AGK: variants seen among roughly 807,000 people sequenced by gnomAD.
AGK encodes acylglycerol kinase, mitochondrial.
Under a neutral mutation model 66.4 loss-of-function variants are expected in AGK, and 52 were observed. The observed-to-expected ratio is 0.78, with a 90% CI of 0.63 to 0.99. The LOEUF (loss-of-function observed/expected upper bound fraction) is 0.99, where lower values mean the gene tolerates loss of function less well. Among genes scored for constraint, AGK ranks in the 50% least tolerant of loss-of-function variants. The pLI, the probability that AGK is intolerant of heterozygous loss-of-function variation, is 0.00. For missense variants in AGK, 451 were observed against 506.6 expected (o/e 0.89, Z 1.05); for synonymous variants, 182 against 181.1 (o/e 1.00, Z -0.04).
At chr7:141,643,135 T>C (rs1797326154) in intron 13 of AGK, among the ~76,000 whole-genome samples, 1 of 152,200 alleles carries the variant, frequency 6.6e-6, no homozygotes, top group South Asian at 2.1e-4. Context: ...GTTCAGAGTA[T>C]TGAGATGTTT....
intron 2 of AGK, among the ~76,000 whole-genome samples, chr7:141,564,616 C>G (rs1338251874): frequency 6.6e-6 from 1 of 152,174 alleles, no homozygotes; most frequent in Non-Finnish European, 1.5e-5. Context: ...ACCATATAAA[C>G]CACTCAGCTT....
intron 15 of AGK, 88 bp from the exon 16 acceptor site, chr7:141,652,699 T>C (rs1444569217): frequency 1.4e-6 from 2 of 1,412,022 alleles, no homozygotes; most frequent in African/African-American, 2.9e-5. Context: ...TTTTCCATAA[T>C]GAACTTCTTC....
chr7:141,632,765 G>A (rs1359324406), intron 9 of AGK, among the ~76,000 whole-genome samples: 1 of 152,184 alleles, frequency 6.6e-6, no homozygotes. Flanking sequence ...CCTTACTAAA[G>A]CAGGTACAGA....
intron 8 of AGK, among the ~76,000 whole-genome samples, chr7:141,620,436 G>A (rs1473518961): frequency 6.6e-6 from 1 of 152,144 alleles, no homozygotes; most frequent in Non-Finnish European, 1.5e-5. Context: ...TAAACAAAAA[G>A]CTGAACAACC....
At chr7:141,635,641 TCTTTA>T (rs1797153870) in intron 10 of AGK, among the ~76,000 whole-genome samples, 1 of 152,174 alleles carries the variant, frequency 6.6e-6, no homozygotes, top group African/African-American at 2.4e-5. Context: ...TAATTATGTA[TCTTTA>T]CTTCTAAGCT....
At chr7:141,606,011 G>A (rs10952502) in intron 5 of AGK, among the ~76,000 whole-genome samples, 69,871 of 152,010 alleles carry the variant, frequency 0.46, 16,258 homozygotes, top group East Asian at 0.57. Context: ...GTTTAAAAAT[G>A]TAAGTCGTAC....
chr7:141,647,149 C>G (rs986750929), intron 13 of AGK, among the ~76,000 whole-genome samples: 2 of 151,748 alleles, frequency 1.3e-5, no homozygotes, highest in Non-Finnish European at 2.9e-5. Flanking sequence ...AACCCTGGGC[C>G]GTTCTTACAC....
At chr7:141,595,882 A>G (rs1796215193) in intron 3 of AGK, among the ~76,000 whole-genome samples, 1 of 152,202 alleles carries the variant, frequency 6.6e-6, no homozygotes, top group Non-Finnish European at 1.5e-5. Context: ...GTAATTGATC[A>G]ACTCTGTGAC....
At chr7:141,648,507 C>T (rs541838959) in intron 13 of AGK, among the ~76,000 whole-genome samples, 9 of 152,156 alleles carry the variant, frequency 5.9e-5, no homozygotes, top group African/African-American at 1.9e-4. Flanking sequence ...TTAAGGCTCT[C>T]AGAGGCCTCA....
rs774602770 is a variant in AGK, at chr7:141,614,212, T to C, written c.423+34T>C. ...TAAAGAGTAATTGCATTTTAACTTTTATTTTTCTGTTCTTTTTTATTGCTT... is the reference window on the plus strand; with the variant it reads ...TAAAGAGTAATTGCATTTTAACTTTCATTTTTCTGTTCTTTTTTATTGCTT... On this transcript the variant is annotated intron_variant, in intron 7 of 15. Coordinates refer to ENST00000649286, the MANE Select transcript of AGK (RefSeq NM_018238.4). The C allele has an allele frequency of 2.8e-6, 4 of 1,444,370 alleles. No individual in the cohort carries two copies. In the Admixed American group the frequency reaches 7.0e-5, roughly 25 times the overall value. The allele number at this position is 1,444,370 out of a possible 1,614,324, so 89.5% of individuals were successfully genotyped here.
At position 141,651,614 on chromosome 7, in the gene AGK, G is replaced by A. The variant is rs542547163; in HGVS notation, c.1131+5G>A. ...TGCACTTTGCTTATCCCGGAGGTGAGTGGGGAAGGGGTCGGTAGTCACAGC... is the reference window on the plus strand; with the variant it reads ...TGCACTTTGCTTATCCCGGAGGTGAATGGGGAAGGGGTCGGTAGTCACAGC... On this transcript the variant is annotated splice_donor_5th_base_variant and intron_variant, in intron 15 of 15. Coordinates refer to ENST00000649286, the MANE Select transcript of AGK (RefSeq NM_018238.4). 5.0e-6 allele frequency: 8 copies of A among 1,614,002 alleles called. No individual in the cohort carries two copies. The highest frequency in any genetic ancestry group is 6.8e-6 in the Non-Finnish European group (8 of 1,179,822).
chr7:141,571,224 C>G (rs968896689), intron 2 of AGK, among the ~76,000 whole-genome samples: 1 of 152,184 alleles, frequency 6.6e-6, no homozygotes, highest in South Asian at 2.1e-4. Context: ...TGTGTTCTAG[C>G]CCCAGCCATG....
intron 10 of AGK, among the ~76,000 whole-genome samples, chr7:141,635,969 G>C (rs1029559055): frequency 1.3e-5 from 2 of 152,182 alleles, no homozygotes; most frequent in South Asian, 4.1e-4. Flanking sequence ...AAATGTATAT[G>C]ATCAGAATCA....
chr7:141,612,041 T>G (rs1477482898), intron 6 of AGK, among the ~76,000 whole-genome samples: 1 of 152,250 alleles, frequency 6.6e-6, no homozygotes, highest in East Asian at 1.9e-4. Context: ...TGTAGCAGCA[T>G]TATTCATAAT....
intron 9 of AGK, among the ~76,000 whole-genome samples, chr7:141,625,188 A>G (rs1447966961): frequency 3.9e-5 from 6 of 152,156 alleles, no homozygotes; most frequent in Admixed American, 3.3e-4. Flanking sequence ...TATAACTTTT[A>G]TATGCACTGG....
At chr7:141,613,682 TG>T (rs2116959862) in intron 6 of AGK, among the ~76,000 whole-genome samples, 1 of 152,304 alleles carries the variant, frequency 6.6e-6, no homozygotes, top group South Asian at 2.1e-4. Flanking sequence ...AATTTTTTTT[TG>T]TATTTAGGTA....
chr7:141,576,526 G>A (rs894777086), intron 2 of AGK, among the ~76,000 whole-genome samples: 2 of 150,586 alleles, frequency 1.3e-5, no homozygotes, highest in Non-Finnish European at 3.0e-5. Context: ...GGTGACTCAG[G>A]TCAAAGCAGA....
chr7:141,623,256 G>A (rs1015781188), intron 9 of AGK, among the ~76,000 whole-genome samples: 2 of 152,088 alleles, frequency 1.3e-5, no homozygotes, highest in East Asian at 1.9e-4. Flanking sequence ...GCACATGCCT[G>A]TAATCTCAGG....
In AGK at chr7:141,593,742, C is replaced by T. The variant is rs557789406; in HGVS notation, c.141+557C>T. On this transcript the variant is annotated intron_variant, in intron 3 of 15. Transcript: ENST00000649286. Reference sequence around the variant, plus strand: ...TTTCAAATATAAGACAGCATTTTTGCCCCCCCACTGCAAAAATGTGCATTA... The same window carrying T: ...TTTCAAATATAAGACAGCATTTTTGTCCCCCCACTGCAAAAATGTGCATTA... The T allele has an allele frequency of 5.9e-4, 108 of 183,008 alleles. 2 individuals carry two copies. In the South Asian group the frequency reaches 0.017, roughly 28 times the overall value. 11.3% of individuals were successfully genotyped at this position (183,008 alleles called of 1,614,324 possible).
Sources: allele counts gnomAD v4.1 joint callset (sites outside exome capture counted in the v4.1 genomes callset), GRCh38; gene constraint gnomAD v4.1.1; transcripts MANE v1.5; gene names NCBI Gene and HGNC (gene_info 2026-07-23, HGNC 2026-07-21).